TBC1D8: variants seen among roughly 807,000 people sequenced by gnomAD.
TBC1D8 encodes BUB2-like protein 1.
Under a neutral mutation model 118.8 loss-of-function variants are expected in TBC1D8, and 65 were observed. The observed-to-expected ratio is 0.55, with a 90% CI of 0.45 to 0.67. TBC1D8 has a LOEUF of 0.67. Ranked by LOEUF, TBC1D8 falls within the 30% of genes least tolerant of loss-of-function variation. The pLI is 0.00. For synonymous variants in TBC1D8, 566 were observed against 595.8 expected, an observed-to-expected ratio of 0.95 and a Z score of 0.73; for missense variants, 1,376 against 1,471.2, an observed-to-expected ratio of 0.94 and a Z score of 1.06.
At chr2:101,120,207 G>A (rs1282574826) in intron 1 of TBC1D8, among the ~76,000 whole-genome samples, 1 of 152,156 alleles carries the variant, frequency 6.6e-6, no homozygotes, top group Non-Finnish European at 1.5e-5. Context: ...ACAACACACT[G>A]GAGAGTCATC....
intron 4 of TBC1D8, among the ~76,000 whole-genome samples, chr2:101,050,981 A>G (rs1343753665): frequency 6.6e-6 from 1 of 152,146 alleles, no homozygotes; most frequent in Non-Finnish European, 1.5e-5. Context: ...CTCATCATTT[A>G]GCTCCCACTT....
intron 1 of TBC1D8, among the ~76,000 whole-genome samples, chr2:101,133,951 C>G (rs1490667337): frequency 6.6e-6 from 1 of 152,010 alleles, no homozygotes; most frequent in Non-Finnish European, 1.5e-5. Context: ...CTTATAAAAC[C>G]ATCAGATCTT....
intron 5 of TBC1D8, among the ~76,000 whole-genome samples, chr2:101,042,251 A>G (rs779826814): frequency 1.2e-4 from 19 of 152,166 alleles, no homozygotes; most frequent in Non-Finnish European, 2.6e-4. Flanking sequence ...AAACCAGTAA[A>G]GAAAGCAACC....
chr2:101,115,144 GGC>G (rs1677763404), intron 1 of TBC1D8, among the ~76,000 whole-genome samples: 1 of 152,078 alleles, frequency 6.6e-6, no homozygotes, highest in Non-Finnish European at 1.5e-5. Flanking sequence ...CTCTCTCTAA[GGC>G]TATCACACAT....
intron 1 of TBC1D8, among the ~76,000 whole-genome samples, chr2:101,149,580 G>C (rs369144955): frequency 3.9e-4 from 60 of 152,278 alleles, no homozygotes; most frequent in African/African-American, 1.4e-3. Context: ...AAATCTTCAG[G>C]CCTTGTCCTC....
At chr2:101,102,168 C>G (rs1170427491) in intron 1 of TBC1D8, among the ~76,000 whole-genome samples, 2 of 152,064 alleles carry the variant, frequency 1.3e-5, no homozygotes, top group East Asian at 3.9e-4. Flanking sequence ...ATAATCCCTT[C>G]AAGGGCCGGG....
chr2:101,088,503 G>A (rs1185277388), intron 2 of TBC1D8, among the ~76,000 whole-genome samples: 1 of 152,018 alleles, frequency 6.6e-6, no homozygotes, highest in African/African-American at 2.4e-5. Context: ...GGCCAGGCTG[G>A]TCTTGAACTC....
intron 1 of TBC1D8, among the ~76,000 whole-genome samples, chr2:101,140,749 C>G (rs187714910): frequency 2.1e-4 from 31 of 147,916 alleles, no homozygotes; most frequent in Non-Finnish European, 4.1e-4. Flanking sequence ...AATAACACAT[C>G]TATATTACTA....
chr2:101,076,029 G>A (rs975386563), intron 2 of TBC1D8, among the ~76,000 whole-genome samples: 1 of 152,148 alleles, frequency 6.6e-6, no homozygotes, highest in African/African-American at 2.4e-5. Context: ...AGAAAAGGAA[G>A]CTAAAACAGA....
intron 3 of TBC1D8, among the ~76,000 whole-genome samples, chr2:101,055,860 G>A (rs1246881663): frequency 1.3e-5 from 2 of 152,066 alleles, no homozygotes; most frequent in Non-Finnish European, 2.9e-5. Context: ...TCAAATCCCA[G>A]CTACTCAGGA....
chr2:101,019,164 G>A, intron 17 of TBC1D8: 3 of 1,333,130 alleles, frequency 2.3e-6, no homozygotes, highest in Non-Finnish European at 3.1e-6. Context: ...CCTGGCAGAG[G>A]GCCAGGCCTG....
At chr2:101,146,656 C>T (rs1679328585) in intron 1 of TBC1D8, among the ~76,000 whole-genome samples, 1 of 152,126 alleles carries the variant, frequency 6.6e-6, no homozygotes, top group Admixed American at 6.6e-5. Context: ...ATATATGTTA[C>T]ATAATTATCC....
intron 5 of TBC1D8, among the ~76,000 whole-genome samples, chr2:101,045,752 G>A (rs1681661587): frequency 6.6e-6 from 1 of 152,164 alleles, no homozygotes; most frequent in Admixed American, 6.5e-5. Flanking sequence ...CCAGCGCTTT[G>A]GGAGGCCGAG....
rs1681283702 is a variant in TBC1D8, at chr2:101,040,100, A to C, written c.1080+78T>G. 4 of 1,512,414 alleles carry C rather than the reference A, an allele frequency of 2.6e-6. No homozygotes were observed. The South Asian group carries it at 5.0e-5, about 19-fold the overall frequency. The allele number at this position is 1,512,414 out of a possible 1,614,324, so 93.7% of individuals were successfully genotyped here. A position where few individuals can be genotyped will look rare whatever the true frequency, so the allele number is the denominator to read the frequency against. ...GTGCCGTCTGAACTTCCCCTCCCAC[A>C]CTCCATCTCACAGCCAGCAACCTTG... On this transcript the variant is annotated intron_variant, in intron 6 of 19. Coordinates refer to ENST00000409318, the MANE Select transcript of TBC1D8 (RefSeq NM_001330348.2).
intron 15 of TBC1D8, among the ~76,000 whole-genome samples, chr2:101,025,336 C>T (rs1321589467): frequency 6.6e-6 from 1 of 152,236 alleles, no homozygotes. Flanking sequence ...AAACAATTCT[C>T]CCGCCTCAGC....
chr2:101,017,711 C>A, intron 17 of TBC1D8: 1 of 784,396 alleles, frequency 1.3e-6, no homozygotes, highest in Non-Finnish European at 2.1e-6. Flanking sequence ...AACAGATATC[C>A]ATGGTACATC....
intron 1 of TBC1D8, among the ~76,000 whole-genome samples, chr2:101,110,195 G>A (rs1198306093): frequency 6.6e-6 from 1 of 152,172 alleles, no homozygotes; most frequent in African/African-American, 2.4e-5. Flanking sequence ...CACAGTGATG[G>A]TACTAAGTCT....
At position 101,054,098 on chromosome 2, in the gene TBC1D8, C is replaced by A. The variant is rs1015344920; in HGVS notation, c.631+10G>T. ...CTTTATCTTGGAAGAGCCTGCCAGG[C>A]CTCACTTACGTTCCTTGCCCAGGAA... On this transcript the variant is annotated intron_variant, in intron 4 of 19. Transcript: ENST00000409318. 4.4e-6 allele frequency: 7 copies of A among 1,602,220 alleles called. No homozygotes were observed. The African/African-American group carries it at 9.4e-5, about 21-fold the overall frequency.
chr2:101,109,627 G>C (rs927267834), intron 1 of TBC1D8, among the ~76,000 whole-genome samples: 1 of 152,026 alleles, frequency 6.6e-6, no homozygotes, highest in African/African-American at 2.4e-5. Context: ...AAATACTGCT[G>C]TTCTTCCTAC....
Sources: allele counts gnomAD v4.1 joint callset (sites outside exome capture counted in the v4.1 genomes callset), GRCh38; gene constraint gnomAD v4.1.1; transcripts MANE v1.5; gene names NCBI Gene and HGNC (gene_info 2026-07-23, HGNC 2026-07-21).